AGR3: variants seen among roughly 807,000 people sequenced by gnomAD.
AGR3 encodes the protein anterior gradient protein 3.
In AGR3, 37 loss-of-function variants were observed where a neutral mutation model predicts 24.5. The observed-to-expected ratio is 1.51, with a 90% CI of 1.16 to 1.99. The LOEUF is 1.99. Ranked by LOEUF, AGR3 falls within the 30% of genes most tolerant of loss-of-function variation. AGR3 has a pLI of 0.00. For missense variants in AGR3, 228 were observed against 191.1 expected, an observed-to-expected ratio of 1.19 and a Z score of -1.14; for synonymous variants, 75 against 61.6, an observed-to-expected ratio of 1.22 and a Z score of -1.02.
At chr7:16,874,799 G>A (rs547443767) in intron 2 of AGR3, among the ~76,000 whole-genome samples, 6 of 152,008 alleles carry the variant, frequency 3.9e-5, no homozygotes, top group Admixed American at 2.0e-4. Context: ...AAATTCATAC[G>A]CCAATACAAC....
At position 16,878,547 on chromosome 7, in the gene AGR3, T is replaced by A; in HGVS notation, c.72A>T (p.Ile24=). The A allele has an allele frequency of 6.2e-7, 1 of 1,614,158 alleles. No homozygotes were observed. Among genetic ancestry groups the A allele is most frequent in the Non-Finnish European group, 8.5e-7 (1 of 1,180,008 alleles). ...TCTGAGGAGGCCTCTTTTCCTTTTT[T>A]ATTGCAATGGCAAGGTTGGAAGAAA... The part of the protein sequence containing the change: ...VTVSSNLAIA[I]KKEKRPPQTL... Residue 24 remains isoleucine, a synonymous_variant, in exon 2 of 8, where the codon ATA becomes ATT. Transcript: ENST00000310398.
At chr7:16,857,371 T>G (rs879904932), downstream of AGR3, among the ~76,000 whole-genome samples, 82 of 152,314 alleles carry the variant, frequency 5.4e-4, no homozygotes, top group Admixed American at 2.7e-3. Context: ...AATTTATCAT[T>G]TAGTAACATT....
intron 2 of AGR3, among the ~76,000 whole-genome samples, chr7:16,875,902 T>C (rs1436670910): frequency 2.6e-5 from 4 of 152,316 alleles, no homozygotes; most frequent in East Asian, 1.9e-4. Flanking sequence ...ACATTTTGCA[T>C]TAAGTAAAAG....
chr7:16,857,991 C>CTTTT (rs58150058), downstream of AGR3, among the ~76,000 whole-genome samples: 2 of 144,036 alleles, frequency 1.4e-5, no homozygotes, highest in African/African-American at 5.1e-5. Flanking sequence ...AAAACATTTT[C>CTTTT]TTTTTTTTTT....
chr7:16,861,605 A>G (rs1002559763), intron 5 of AGR3, among the ~76,000 whole-genome samples, 158 bp from the exon 6 acceptor site: 1 of 152,216 alleles, frequency 6.6e-6, no homozygotes, highest in African/African-American at 2.4e-5. Flanking sequence ...TGCTTTAAAA[A>G]TAGAAAAAAA....
At chr7:16,864,003 T>C (rs1443374808) in intron 3 of AGR3, among the ~76,000 whole-genome samples, 3 of 152,222 alleles carry the variant, frequency 2.0e-5, no homozygotes, top group Non-Finnish European at 4.4e-5. Context: ...AAACACACTT[T>C]ATACACACTG....
At chr7:16,863,284 A>C (rs1438063244) in intron 3 of AGR3, among the ~76,000 whole-genome samples, 1 of 152,224 alleles carries the variant, frequency 6.6e-6, no homozygotes, top group African/African-American at 2.4e-5. Flanking sequence ...ACTTAGTATA[A>C]GATTTCAGGA....
intron 3 of AGR3, chr7:16,865,286 C>CAAA (rs1480015089): frequency 1.1e-5 from 12 of 1,060,910 alleles, no homozygotes; most frequent in Non-Finnish European, 1.4e-5. Flanking sequence ...AAGAAGAAAT[C>CAAA]TGGAGGCTGT....
At chr7:16,860,965 C>T (rs899992709) in intron 6 of AGR3, among the ~76,000 whole-genome samples, 3 of 151,896 alleles carry the variant, frequency 2.0e-5, no homozygotes, top group Admixed American at 1.3e-4. Context: ...ATCCATAAAA[C>T]GTTCTTAAAA....
chr7:16,871,906 A>C (rs151277206), intron 3 of AGR3, among the ~76,000 whole-genome samples: 5 of 152,302 alleles, frequency 3.3e-5, no homozygotes, highest in African/African-American at 7.2e-5. Context: ...AAGGAGGTGA[A>C]AGATCCCTAC....
intron 2 of AGR3, among the ~76,000 whole-genome samples, chr7:16,877,159 A>C (rs1431828116): frequency 1.3e-5 from 2 of 151,136 alleles, no homozygotes; most frequent in African/African-American, 4.9e-5. Context: ...TCTGTTAAGA[A>C]ATGAATGTAC....
At chr7:16,855,813 A>G (rs570210224), downstream of AGR3, among the ~76,000 whole-genome samples, 9 of 152,322 alleles carry the variant, frequency 5.9e-5, no homozygotes, top group Non-Finnish European at 1.0e-4. Context: ...TTTAAAAAGT[A>G]CGCTTCCCTG....
intron 3 of AGR3, among the ~76,000 whole-genome samples, chr7:16,868,941 A>C (rs950982852): frequency 1.3e-5 from 2 of 152,176 alleles, no homozygotes; most frequent in African/African-American, 4.8e-5. Context: ...AGTCTTCTTA[A>C]ATTTGTTAGA....
At position 16,881,775 on chromosome 7, in the gene AGR3, C is replaced by G. The variant is rs534694286; in HGVS notation, c.-28+169G>C. 9.4e-5 allele frequency among the ~76,000 whole-genome samples: 14 copies of G among 148,680 alleles called. No individual in the cohort carries two copies. In the East Asian group the frequency reaches 2.8e-3, roughly 30 times the overall value. On this transcript the variant is annotated intron_variant, in intron 1 of 7. Transcript: ENST00000310398. Reference sequence around the variant, plus strand: ...ACCATTAATATAAATAGAGATAAAACTATGAAACCAGCAAAGGAAATCCAG... The same window carrying G: ...ACCATTAATATAAATAGAGATAAAAGTATGAAACCAGCAAAGGAAATCCAG...
chr7:16,861,651 A>G (rs952273385), intron 5 of AGR3, among the ~76,000 whole-genome samples: 3 of 152,214 alleles, frequency 2.0e-5, no homozygotes, highest in Non-Finnish European at 4.4e-5. Flanking sequence ...CTGTAATCCC[A>G]GCACTTTGGG....
chr7:16,868,150 C>A (rs555402144), intron 3 of AGR3, among the ~76,000 whole-genome samples: 1 of 145,514 alleles, frequency 6.9e-6, no homozygotes, highest in Non-Finnish European at 1.5e-5. Flanking sequence ...TACCTGTTGG[C>A]CCTTTGTATG....
At chr7:16,861,950 A>T in intron 5 of AGR3, 34 bp downstream of exon 5, 1 of 1,463,692 alleles carries the variant, frequency 6.8e-7, no homozygotes, top group Non-Finnish European at 9.4e-7. Context: ...CCATGAAATT[A>T]TAGTATTAAG....
At chr7:16,875,643 C>G (rs1781973320) in intron 2 of AGR3, among the ~76,000 whole-genome samples, 1 of 152,048 alleles carries the variant, frequency 6.6e-6, no homozygotes, top group Non-Finnish European at 1.5e-5. Flanking sequence ...AACTGCTGAT[C>G]AAATGGTCAC....
chr7:16,864,829 C>T (rs1229544359), intron 3 of AGR3: 3 of 882,120 alleles, frequency 3.4e-6, no homozygotes, highest in Non-Finnish European at 5.9e-6. Context: ...TATAGATGTC[C>T]TATATTTCCT....
Sources: gnomAD v4.1 joint callset for allele counts (sites outside exome capture counted in the v4.1 genomes callset) on GRCh38, gnomAD v4.1.1 for gene constraint, MANE v1.5 for transcripts, NCBI Gene and HGNC (gene_info 2026-07-23, HGNC 2026-07-21) for gene names.